NCKAP5: variants seen among roughly 807,000 people sequenced by gnomAD.
The protein encoded by NCKAP5 is NCK associated protein 5.
Under a neutral mutation model 167.0 loss-of-function variants are expected in NCKAP5, and 92 were observed. The ratio of observed to expected loss-of-function variants is 0.55; its 90% CI spans 0.47 to 0.66. The LOEUF (loss-of-function observed/expected upper bound fraction) is 0.66. Among genes scored for constraint, NCKAP5 ranks in the 30% least tolerant of loss-of-function variants. NCKAP5 has a pLI of 0.00. For synonymous variants in NCKAP5, 891 were observed against 877.4 expected, an observed-to-expected ratio of 1.02 and a Z score of -0.27; for missense variants, 2,378 against 2,315.0, an observed-to-expected ratio of 1.03 and a Z score of -0.56.
Position 133,374,287 on chromosome 2 carries a change from A to T in NCKAP5, c.70-71177T>A, listed in dbSNP as rs144064191. 1.7e-4 allele frequency among the ~76,000 whole-genome samples: 26 copies of T among 152,294 alleles called. 1 individual carries two copies. In the East Asian group the frequency reaches 5.0e-3, roughly 29 times the overall value. On this transcript the variant is annotated intron_variant, in intron 3 of 19. Transcript: ENST00000409261. ...TACTGTATGATTCTGACTTTATGAC[A>T]CTCTAGAAAAGGAAAAGCTATAGAG...
chr2:133,263,617 A>G (rs1453262208), intron 4 of NCKAP5, among the ~76,000 whole-genome samples: 1 of 152,162 alleles, frequency 6.6e-6, no homozygotes. Flanking sequence ...CATGAATGAT[A>G]TTCACAACTA....
chr2:132,915,017 A>T (rs1694755365), intron 8 of NCKAP5, among the ~76,000 whole-genome samples: 1 of 151,498 alleles, frequency 6.6e-6, no homozygotes, highest in African/African-American at 2.4e-5. Flanking sequence ...TGCCTATTGC[A>T]TACCTTCTAT....
rs1022242268 is a variant in NCKAP5, at chr2:133,346,276, G to C, written c.70-43166C>G. 3.5e-4 allele frequency among the ~76,000 whole-genome samples: 54 copies of C among 152,160 alleles called. 1 individual carries two copies. The highest frequency in any genetic ancestry group is 1.0e-3 in the African/African-American group (43 of 41,432). Reference sequence around the variant, plus strand: ...CACATCTATTTGAAAGGGCTGCAGGGATGCAAAATCCTCAGAATGGGGTCT... The same window carrying C: ...CACATCTATTTGAAAGGGCTGCAGGCATGCAAAATCCTCAGAATGGGGTCT... On this transcript the variant is annotated intron_variant, in intron 3 of 19. Transcript: ENST00000409261.
At chr2:133,619,603 A>C in the NCKAP5 span, among the ~76,000 whole-genome samples, 1 of 152,036 alleles carries the variant, frequency 6.6e-6, no homozygotes, top group Non-Finnish European at 1.5e-5. Flanking sequence ...GTCTAAACCT[A>C]AGAATAAATG....
intron 6 of NCKAP5, among the ~76,000 whole-genome samples, chr2:133,095,560 A>G (rs1437893): frequency 0.51 from 77,423 of 152,148 alleles, 20,924 homozygotes; most frequent in East Asian, 0.96. Flanking sequence ...CCCGCATGGC[A>G]GGGGTGCAGC....
intron 5 of NCKAP5, among the ~76,000 whole-genome samples, chr2:133,194,990 G>A (rs190796360): frequency 4.7e-4 from 72 of 151,830 alleles, no homozygotes; most frequent in African/African-American, 1.2e-3. Flanking sequence ...ATTACATGTC[G>A]GATGAATCAC....
At chr2:133,613,626 C>T in the NCKAP5 span, among the ~76,000 whole-genome samples, 95 of 152,300 alleles carry the variant, frequency 6.2e-4, no homozygotes, top group African/African-American at 2.2e-3. Flanking sequence ...AGCTCTCCTG[C>T]CGCTCCAGAG....
chr2:133,406,107 A>G (rs1688410604), intron 3 of NCKAP5, among the ~76,000 whole-genome samples: 1 of 152,218 alleles, frequency 6.6e-6, no homozygotes, highest in African/African-American at 2.4e-5. Context: ...CACACAGCCT[A>G]ACATGTCATC....
At chr2:133,210,027 T>C (rs1243720759) in intron 5 of NCKAP5, among the ~76,000 whole-genome samples, 1 of 151,782 alleles carries the variant, frequency 6.6e-6, no homozygotes, top group African/African-American at 2.4e-5. Flanking sequence ...GAGCTGGGTG[T>C]GGTGGTGAGC....
chr2:133,615,871 C>T, the NCKAP5 span, among the ~76,000 whole-genome samples: 3 of 151,906 alleles, frequency 2.0e-5, no homozygotes, highest in African/African-American at 7.3e-5. Flanking sequence ...CCACACCACA[C>T]CTATTCCAAA....
At position 132,767,649 on chromosome 2, in the gene NCKAP5, T is replaced by C. The variant is rs533459241; in HGVS notation, c.5128+6167A>G. On this transcript the variant is annotated intron_variant, in intron 16 of 19. Transcript: ENST00000409261. The stretch of plus-strand genomic sequence containing the variant: ...TAATCCGTAACTACACAGATGTGAG[T>C]TGGTTTACCACATTAGCTAGCTAAA... Among the ~76,000 whole-genome samples, 15 of 152,212 alleles carry C rather than the reference T, an allele frequency of 9.9e-5. No homozygotes were observed. In the South Asian group the frequency reaches 1.9e-3, roughly 19 times the overall value.
chr2:132,774,334 T>C (rs1267088555), intron 15 of NCKAP5, among the ~76,000 whole-genome samples: 2 of 152,228 alleles, frequency 1.3e-5, no homozygotes, highest in Non-Finnish European at 2.9e-5. Flanking sequence ...TAAAAATATA[T>C]ACTTTAAATA....
intron 6 of NCKAP5, among the ~76,000 whole-genome samples, chr2:133,096,034 C>A (rs2081335114): frequency 6.6e-6 from 1 of 152,170 alleles, no homozygotes; most frequent in Admixed American, 6.5e-5. Context: ...AAATTACCCA[C>A]AGACTGATTC....
intron 9 of NCKAP5, among the ~76,000 whole-genome samples, chr2:132,871,660 A>G (rs1022269082): frequency 2.6e-5 from 4 of 152,180 alleles, no homozygotes; most frequent in Admixed American, 6.5e-5. Flanking sequence ...GAGACTCTAT[A>G]TCTAACACAG....
chr2:133,375,025 C>T (rs1427810861), intron 3 of NCKAP5, among the ~76,000 whole-genome samples: 4 of 152,182 alleles, frequency 2.6e-5, no homozygotes, highest in African/African-American at 9.7e-5. Flanking sequence ...TGTCCCTGCG[C>T]TTTTCTTACA....
At chr2:133,136,407 T>G (rs181800950) in intron 5 of NCKAP5, among the ~76,000 whole-genome samples, 1 of 152,158 alleles carries the variant, frequency 6.6e-6, no homozygotes, top group Admixed American at 6.5e-5. Flanking sequence ...GTGGCATATA[T>G]TTGACGAAAC....
intron 3 of NCKAP5, among the ~76,000 whole-genome samples, chr2:133,371,590 T>C (rs1035101294): frequency 6.6e-6 from 1 of 152,234 alleles, no homozygotes; most frequent in Non-Finnish European, 1.5e-5. Flanking sequence ...AAGCACCCTA[T>C]AAATATTTCT....
chr2:133,621,886 C>A, the NCKAP5 span, among the ~76,000 whole-genome samples: 1 of 151,970 alleles, frequency 6.6e-6, no homozygotes, highest in Non-Finnish European at 1.5e-5. Flanking sequence ...AAATCCTCAA[C>A]AAAATAATAG....
At chr2:132,959,459 A>G (rs75131565) in intron 8 of NCKAP5, among the ~76,000 whole-genome samples, 2,534 of 152,210 alleles carry the variant, frequency 0.017, 43 homozygotes, top group East Asian at 0.059. Context: ...GCTGAGTATC[A>G]GAGATGCCAT....
Sources: gnomAD v4.1 joint callset for allele counts (sites outside exome capture counted in the v4.1 genomes callset) on GRCh38, gnomAD v4.1.1 for gene constraint, MANE v1.5 for transcripts, NCBI Gene and HGNC (gene_info 2026-07-23, HGNC 2026-07-21) for gene names.